SULF1: variants seen among roughly 807,000 people sequenced by gnomAD.
SULF1 encodes the protein extracellular sulfatase Sulf-1.
In SULF1, 46 loss-of-function variants were observed where a neutral mutation model predicts 110.5. The observed-to-expected ratio is 0.42, with a 90% CI of 0.33 to 0.53. The LOEUF is 0.53. Ranked by LOEUF, SULF1 falls within the 20% of genes least tolerant of loss-of-function variation. The pLI, the probability that SULF1 is intolerant of heterozygous loss-of-function variation, is 0.12. For missense variants in SULF1, 941 were observed against 1,094.2 expected (o/e 0.86, Z 1.98); for synonymous variants, 371 against 387.1 (o/e 0.96, Z 0.49).
At position 69,658,826 on chromosome 8, in the gene SULF1, T is replaced by C. The variant is rs766763096; in HGVS notation, c.*291T>C. 27 of 592,952 alleles carry C rather than the reference T, an allele frequency of 4.6e-5. No individual in the cohort carries two copies. In the East Asian group the frequency reaches 8.5e-4, roughly 19 times the overall value. 36.7% of individuals were successfully genotyped at this position (592,952 alleles called of 1,614,324 possible). On this transcript the variant is annotated 3_prime_UTR_variant, in exon 23 of 23. Transcript: ENST00000402687. ...TCAGATGAAGACCCAAGGCATAAGGTTGGGAAAACACCTCATTTGACCTTG... is the reference window on the plus strand; with the variant it reads ...TCAGATGAAGACCCAAGGCATAAGGCTGGGAAAACACCTCATTTGACCTTG...
chr8:69,554,978 C>CAAAAAAAAAAAAAAAAAAAAAAAAAA (rs141225696), intron 3 of SULF1, among the ~76,000 whole-genome samples: 1 of 63,494 alleles, frequency 1.6e-5, no homozygotes, highest in African/African-American at 1.0e-4. Context: ...GATTCCATCT[C>CAAAAAAAAAAAAAAAAAAAAAAAAAA]AAAAAAAAAA....
In SULF1 at chr8:69,659,263, G is replaced by A. The variant is rs979896698; in HGVS notation, c.*728G>A. On this transcript the variant is annotated 3_prime_UTR_variant, in exon 23 of 23. Transcript: ENST00000402687. ...GTTGACCAAGGTGGAGAAGAATCAC[G>A]AAAAGGAGAAGTCACAGCACCTAGA... 5 of 450,834 alleles carry A rather than the reference G, an allele frequency of 1.1e-5. No homozygotes were observed. The highest frequency in any genetic ancestry group is 2.4e-5 in the Admixed American group (1 of 41,518). The allele number at this position is 450,834 out of a possible 1,614,324, so 27.9% of individuals were successfully genotyped here.
At chr8:69,562,767 AT>A (rs1815595411) in intron 3 of SULF1, 1 of 153,110 alleles carries the variant, frequency 6.5e-6, no homozygotes, top group African/African-American at 2.4e-5. Flanking sequence ...CCAATCAATC[AT>A]TTTGCTTTGC....
chr8:69,477,870 T>G (rs1454328242), intron 1 of SULF1, among the ~76,000 whole-genome samples: 1 of 152,100 alleles, frequency 6.6e-6, no homozygotes, highest in Non-Finnish European at 1.5e-5. Flanking sequence ...TCCTTTGTTT[T>G]TTTTTGAGAA....
chr8:69,491,991 A>G (rs180998308), upstream of SULF1, among the ~76,000 whole-genome samples: 5 of 150,862 alleles, frequency 3.3e-5, no homozygotes, highest in Non-Finnish European at 4.4e-5. Flanking sequence ...TGGGAAATGG[A>G]GAATTGAAAG....
chr8:69,589,559 G>A lies in SULF1; in HGVS notation c.734+418G>A, dbSNP rs561396550. ...AGAAACATGGATTTATTTTCCAGGC[G>A]AATACCGTAGCAGCTTTGCTGCAGA... is the stretch of plus-strand genomic sequence containing the variant. On this transcript the variant is annotated intron_variant, in intron 8 of 22. Coordinates refer to ENST00000402687, the MANE Select transcript of SULF1 (RefSeq NM_001128205.2). Among the ~76,000 whole-genome samples the A allele has an allele frequency of 2.6e-5, 4 of 152,340 alleles. No individual in the cohort carries two copies. In the South Asian group the frequency reaches 6.2e-4, roughly 24 times the overall value.
chr8:69,569,652 T>G (rs975190031), intron 5 of SULF1, among the ~76,000 whole-genome samples: 57 of 152,230 alleles, frequency 3.7e-4, no homozygotes, highest in African/African-American at 1.2e-3. Flanking sequence ...TGACTTTTCT[T>G]ATACCTGGCT....
chr8:69,505,285 A>T (rs1348850266), intron 3 of SULF1, among the ~76,000 whole-genome samples: 1 of 152,166 alleles, frequency 6.6e-6, no homozygotes, highest in Non-Finnish European at 1.5e-5. Context: ...GCTTTTGTGT[A>T]TGTGTGTGAA....
At chr8:69,605,803 A>G (rs1020207127) in intron 13 of SULF1, among the ~76,000 whole-genome samples, 5 of 152,228 alleles carry the variant, frequency 3.3e-5, no homozygotes, top group African/African-American at 1.2e-4. Context: ...CAGGCACAGT[A>G]CGCAGGATTT....
At chr8:69,564,216 A>C in intron 5 of SULF1, 69 bp downstream of exon 5, 2 of 1,567,922 alleles carry the variant, frequency 1.3e-6, no homozygotes, top group Non-Finnish European at 1.8e-6. Flanking sequence ...CAGGATTATC[A>C]GGAGACATTC....
chr8:69,618,537 A>C (rs1162685552), intron 13 of SULF1, among the ~76,000 whole-genome samples: 1 of 152,192 alleles, frequency 6.6e-6, no homozygotes, highest in Non-Finnish European at 1.5e-5. Flanking sequence ...GGGTATCTGC[A>C]GGGCATCCTG....
At chr8:69,518,577 A>C (rs924832640) in intron 3 of SULF1, among the ~76,000 whole-genome samples, 2 of 151,932 alleles carry the variant, frequency 1.3e-5, no homozygotes, top group African/African-American at 4.8e-5. Context: ...ACCTTTTAAA[A>C]CTTGTTTTTA....
At chr8:69,631,480 C>CA (rs1810539488) in intron 19 of SULF1, among the ~76,000 whole-genome samples, 2 of 152,326 alleles carry the variant, frequency 1.3e-5, no homozygotes, top group South Asian at 4.1e-4. Flanking sequence ...CACCTGACCC[C>CA]AGAAGGCTGA....
intron 3 of SULF1, among the ~76,000 whole-genome samples, chr8:69,545,649 G>T (rs561058053): frequency 2.0e-5 from 3 of 152,038 alleles, no homozygotes; most frequent in South Asian, 2.1e-4. Context: ...TTTGTCTTTG[G>T]TTTTTTGGGT....
intron 6 of SULF1, chr8:69,584,573 A>G (rs928355803): frequency 6.6e-5 from 10 of 152,200 alleles, no homozygotes; most frequent in African/African-American, 1.9e-4. Context: ...AAATAAGGTA[A>G]GTCAAAAATG....
intron 22 of SULF1, 85 bp from the exon 23 acceptor site, chr8:69,658,420 C>G (rs1812882410): frequency 8.2e-6 from 8 of 973,256 alleles, no homozygotes; most frequent in East Asian, 7.2e-5. Flanking sequence ...TTGATTAACT[C>G]TGTAAAAACA....
intron 8 of SULF1, among the ~76,000 whole-genome samples, chr8:69,591,320 C>G (rs1280800572): frequency 6.6e-6 from 1 of 151,824 alleles, no homozygotes; most frequent in East Asian, 1.9e-4. Context: ...TTTGGGAGGC[C>G]GAGGCGGGCG....
At chr8:69,612,075 C>G (rs1010802931) in intron 13 of SULF1, among the ~76,000 whole-genome samples, 8 of 152,126 alleles carry the variant, frequency 5.3e-5, no homozygotes, top group African/African-American at 1.9e-4. Context: ...GCTTAGCTCC[C>G]ACTTGTAAGT....
intron 19 of SULF1, among the ~76,000 whole-genome samples, chr8:69,634,008 G>A (rs113876972): frequency 0.01 from 1,540 of 152,230 alleles, 22 homozygotes; most frequent in African/African-American, 0.035. Context: ...ATGTAGATGT[G>A]AGATAAATGT....
Sources: allele counts gnomAD v4.1 joint callset (sites outside exome capture counted in the v4.1 genomes callset), GRCh38; gene constraint gnomAD v4.1.1; transcripts MANE v1.5; gene names NCBI Gene and HGNC (gene_info 2026-07-23, HGNC 2026-07-21).